Variants in FNDC3B observed in about 807,000 individuals in gnomAD.
FNDC3B encodes fibronectin type III domain-containing protein 3B.
A neutral mutation model predicts 151.5 loss-of-function variants in FNDC3B; 12 were observed. That is an observed-to-expected ratio of 0.08 (90% confidence interval 0.05 to 0.13). FNDC3B has a LOEUF of 0.13. Among genes scored for constraint, FNDC3B ranks in the 10% least tolerant of loss-of-function variants. The probability of loss-of-function intolerance (pLI) is 1.00; values close to 1 mark genes in which losing one functional copy is unlikely to be tolerated. For synonymous variants in FNDC3B, 528 were observed against 549.0 expected (o/e 0.96, Z 0.54); for missense variants, 1,214 against 1,505.3 (o/e 0.81, Z 3.20).
At chr3:172,383,942 G>A (rs1368734245) in intron 25 of FNDC3B, among the ~76,000 whole-genome samples, 10 of 151,926 alleles carry the variant, frequency 6.6e-5, no homozygotes, top group East Asian at 1.9e-4. Flanking sequence ...TAATAGGAGC[G>A]TTCATTTATA....
At position 172,330,342 on chromosome 3, in the gene FNDC3B, C is replaced by T. The variant is rs1274566868; in HGVS notation, c.1380-199C>T. 3 of 495,566 alleles carry T rather than the reference C, an allele frequency of 6.1e-6. No individual in the cohort carries two copies. The Admixed American group carries it at 1.1e-4, about 18-fold the overall frequency. 30.7% of individuals were successfully genotyped at this position (495,566 alleles called of 1,614,324 possible). A position where few individuals can be genotyped will look rare whatever the true frequency, so the allele number is the denominator to read the frequency against. ...TTGTCCTGTGACTTGGTGTGTGTGTCTAGTAGAAGATCATGGGGTGGGGGG... is the reference window on the plus strand; with the variant it reads ...TTGTCCTGTGACTTGGTGTGTGTGTTTAGTAGAAGATCATGGGGTGGGGGG... On this transcript the variant is annotated intron_variant, in intron 12 of 25. Transcript: ENST00000415807.
intron 3 of FNDC3B, among the ~76,000 whole-genome samples, chr3:172,210,269 C>T (rs1160932913): frequency 6.6e-6 from 1 of 152,348 alleles, no homozygotes; most frequent in East Asian, 1.9e-4. Flanking sequence ...TGGGCTACCA[C>T]TGCTATCATT....
At chr3:172,212,123 A>C (rs576841012) in intron 3 of FNDC3B, among the ~76,000 whole-genome samples, 2 of 152,218 alleles carry the variant, frequency 1.3e-5, no homozygotes, top group South Asian at 4.1e-4. Context: ...GAAGTAAAAC[A>C]GTGGTTGCTT....
At chr3:172,191,703 C>T (rs1355767090) in intron 3 of FNDC3B, among the ~76,000 whole-genome samples, 2 of 152,058 alleles carry the variant, frequency 1.3e-5, no homozygotes, top group Non-Finnish European at 2.9e-5. Context: ...CACTGTGTTC[C>T]CTGGGATGGT....
intron 2 of FNDC3B, among the ~76,000 whole-genome samples, chr3:172,132,048 G>T (rs1040284876): frequency 5.9e-5 from 9 of 152,196 alleles, no homozygotes; most frequent in Non-Finnish European, 1.3e-4. Flanking sequence ...GATTGCAGTT[G>T]TAAATTCTAG....
At chr3:172,104,367 T>G (rs1576866764) in intron 1 of FNDC3B, among the ~76,000 whole-genome samples, 1 of 151,952 alleles carries the variant, frequency 6.6e-6, no homozygotes, top group Admixed American at 6.5e-5. Flanking sequence ...AACTCATGTT[T>G]TCCAATACTC....
intron 3 of FNDC3B, among the ~76,000 whole-genome samples, chr3:172,207,311 A>G (rs1725482735): frequency 1.3e-5 from 2 of 152,166 alleles, no homozygotes; most frequent in Admixed American, 1.3e-4. Flanking sequence ...GAAATACCTT[A>G]TATTATTAGC....
chr3:172,288,405 C>G (rs576035197), intron 7 of FNDC3B, among the ~76,000 whole-genome samples: 1 of 152,348 alleles, frequency 6.6e-6, no homozygotes, highest in Non-Finnish European at 1.5e-5. Context: ...TCTATCCTGT[C>G]TCATTACCCT....
At chr3:172,364,931 A>G (rs1480657121) in intron 23 of FNDC3B, among the ~76,000 whole-genome samples, 34 of 152,238 alleles carry the variant, frequency 2.2e-4, no homozygotes, top group Admixed American at 2.2e-3. Flanking sequence ...GAAAGTTATT[A>G]AAGTGATGGG....
intron 6 of FNDC3B, among the ~76,000 whole-genome samples, chr3:172,281,476 G>A (rs920559141): frequency 5.3e-5 from 8 of 152,148 alleles, no homozygotes; most frequent in Admixed American, 6.6e-5. Flanking sequence ...TACCCCAGCC[G>A]TGGTCACCAG....
At chr3:172,364,644 TG>T (rs1459692172) in intron 23 of FNDC3B, among the ~76,000 whole-genome samples, 2 of 152,222 alleles carry the variant, frequency 1.3e-5, no homozygotes, top group Non-Finnish European at 2.9e-5. Flanking sequence ...CGGTGGCTCC[TG>T]GGCAAAGAAC....
At chr3:172,057,607 G>A (rs1716978403) in intron 1 of FNDC3B, among the ~76,000 whole-genome samples, 1 of 151,958 alleles carries the variant, frequency 6.6e-6, no homozygotes, top group African/African-American at 2.4e-5. Flanking sequence ...GGATAATAGG[G>A]ATCGAAGCCT....
chr3:172,182,242 G>A (rs1723950489), intron 3 of FNDC3B, among the ~76,000 whole-genome samples: 1 of 152,204 alleles, frequency 6.6e-6, no homozygotes, highest in African/African-American at 2.4e-5. Context: ...TCTAGGAGCT[G>A]GCGTGGTCAC....
intron 4 of FNDC3B, among the ~76,000 whole-genome samples, chr3:172,231,706 A>T (rs971802113): frequency 6.6e-6 from 1 of 152,040 alleles, no homozygotes; most frequent in Non-Finnish European, 1.5e-5. Context: ...TGCATTTCTG[A>T]TTACACTGAC....
chr3:172,362,480 C>T lies in FNDC3B; in HGVS notation c.2796-153C>T, dbSNP rs114336614. ...CTGTCCACTGAGCAACCCCGTGCTT[C>T]TATTTGTCTTGAGTTACTTTAACTT... On this transcript the variant is annotated intron_variant, in intron 22 of 25. Coordinates refer to ENST00000415807, the MANE Select transcript of FNDC3B (RefSeq NM_022763.4). 7.4e-3 allele frequency among the ~76,000 whole-genome samples: 1,127 copies of T among 152,028 alleles called. 16 individuals are homozygous for T. The highest frequency in any genetic ancestry group is 0.026 in the African/African-American group (1,070 of 41,456).
In FNDC3B at chr3:172,323,028, T is replaced by TTTTGTTTGTTTGTTTG. The variant is rs56787564; in HGVS notation, c.1255-5919_1255-5904dup. Among the ~76,000 whole-genome samples, 583 of 151,726 alleles carry TTTTGTTTGTTTGTTTG rather than the reference T, an allele frequency of 3.8e-3. 6 individuals carry two copies. Among genetic ancestry groups the TTTTGTTTGTTTGTTTG allele is most frequent in the African/African-American group, 0.013 (552 of 41,338 alleles). ...TGATAGTGCAGCAAAGTGTTTTAGTTTTTGTTTGTTTGTTTGTTTGCAGGG... is the reference window on the plus strand; with the variant it reads ...TGATAGTGCAGCAAAGTGTTTTAGTTTTTGTTTGTTTGTTTGTTTGTTTGTTTGTTTGTTTGCAGGG... On this transcript the variant is annotated intron_variant, in intron 11 of 25. Coordinates refer to ENST00000415807, the MANE Select transcript of FNDC3B (RefSeq NM_022763.4).
chr3:172,068,614 G>A (rs1717621812), intron 1 of FNDC3B, among the ~76,000 whole-genome samples: 1 of 151,962 alleles, frequency 6.6e-6, no homozygotes, highest in Admixed American at 6.6e-5. Context: ...TGGAAGAGAT[G>A]GGGTTCCACC....
At chr3:172,202,972 G>A (rs1228554784) in intron 3 of FNDC3B, among the ~76,000 whole-genome samples, 1 of 152,142 alleles carries the variant, frequency 6.6e-6, no homozygotes, top group Non-Finnish European at 1.5e-5. Context: ...CTTTAAAAAT[G>A]TGACAACCAT....
At chr3:172,386,470 C>CG (rs1221191439) in intron 25 of FNDC3B, among the ~76,000 whole-genome samples, 1 of 152,090 alleles carries the variant, frequency 6.6e-6, no homozygotes, top group East Asian at 1.9e-4. Context: ...GGGCTGGGCG[C>CG]GGTGGCTTAC....
Sources: gnomAD v4.1 joint callset for allele counts (sites outside exome capture counted in the v4.1 genomes callset) on GRCh38, gnomAD v4.1.1 for gene constraint, MANE v1.5 for transcripts, NCBI Gene and HGNC (gene_info 2026-07-23, HGNC 2026-07-21) for gene names.